The following CEACAM1 variants were observed in gnomAD, a reference collection of about 807,000 sequenced individuals.
CEACAM1 encodes the protein CEA cell adhesion molecule 1.
CEACAM1 carries 31 observed loss-of-function variants against 49.1 expected under a neutral mutation model. The observed-to-expected ratio is 0.63, with a 90% CI of 0.47 to 0.85. CEACAM1 has a LOEUF of 0.85. Ranked by LOEUF, CEACAM1 falls within the 40% of genes least tolerant of loss-of-function variation. The pLI is 0.00. For synonymous variants in CEACAM1, 244 were observed against 247.8 expected (o/e 0.98, Z 0.14); for missense variants, 570 against 645.3 (o/e 0.88, Z 1.26).
rs1212344334 is a variant in CEACAM1, at chr19:42,512,466, T to A, written c.1260A>T (p.Pro420=). 2 of 1,614,028 alleles carry A rather than the reference T, an allele frequency of 1.2e-6. No individual in the cohort carries two copies. Among genetic ancestry groups the A allele is most frequent in the Non-Finnish European group, 1.7e-6 (2 of 1,179,910 alleles). The part of the protein sequence containing the change: ...IMLNVNYNAL[P]QENGLSPGAI... The stretch of plus-strand genomic sequence containing the variant: ...CCCCAGGTGAGAGGCCATTTTCTTG[T>A]GGTAGAGCATTATCTGTCATGGAGA... Residue 420 remains proline (P), a synonymous_variant, in exon 6 of 9, where the codon CCA becomes CCT. Transcript: ENST00000161559.
Position 42,527,418 on chromosome 19 carries a change from G to A in CEACAM1, c.65-18C>T. The A allele has an allele frequency of 6.4e-7, 1 of 1,570,716 alleles. No individual in the cohort carries two copies. The highest frequency in any genetic ancestry group is 8.6e-7 in the Non-Finnish European group (1 of 1,159,688). The stretch of plus-strand genomic sequence containing the variant: ...AAGTGAGGCTAGGAGAGAGGAGAGA[G>A]CATCAGTCAATATTGGGACCTATGC... On this transcript the variant is annotated intron_variant, in intron 1 of 8. Transcript: ENST00000161559.
chr19:42,512,200 A>G, intron 6 of CEACAM1, 150 bp downstream of exon 6: 1 of 827,416 alleles, frequency 1.2e-6, no homozygotes, highest in Non-Finnish European at 1.9e-6. Context: ...ACCAGGGAAG[A>G]GGAAACCTGT....
intron 5 of CEACAM1, among the ~76,000 whole-genome samples, chr19:42,513,922 T>A (rs1236087815): frequency 8.0e-6 from 1 of 124,902 alleles, no homozygotes; most frequent in African/African-American, 4.1e-5. Flanking sequence ...ATATATAATA[T>A]ATAAATAATA....
rs1246217641 is a variant in CEACAM1 at position 42,521,205 on chromosome 19, T to C, written c.958+62A>G. 2.5e-6 allele frequency: 4 copies of C among 1,580,206 alleles called. No homozygotes were observed. In the East Asian group the frequency reaches 6.7e-5, roughly 27 times the overall value. On this transcript the variant is annotated intron_variant, in intron 4 of 8. Transcript: ENST00000161559. The stretch of plus-strand genomic sequence containing the variant: ...CAAAAGAAAATTTCTTCTCTGCTCC[T>C]ATTTGAAAACCAGAAAGCTTGTACC...
chr19:42,515,013 G>C, intron 5 of CEACAM1: 1 of 679,354 alleles, frequency 1.5e-6, no homozygotes, highest in Non-Finnish European at 2.7e-6. Context: ...GCTCACACCT[G>C]TAATCTCAGC....
At chr19:42,518,265 C>T (rs753451817) in intron 5 of CEACAM1, among the ~76,000 whole-genome samples, 3 of 151,886 alleles carry the variant, frequency 2.0e-5, no homozygotes, top group Non-Finnish European at 2.9e-5. Context: ...AACTTAAAAA[C>T]TTAGCCAGGC....
intron 5 of CEACAM1, among the ~76,000 whole-genome samples, chr19:42,514,364 C>T (rs1214841804): frequency 6.6e-6 from 1 of 152,154 alleles, no homozygotes; most frequent in Non-Finnish European, 1.5e-5. Context: ...CTCCCGACCT[C>T]AGGTGACCCG....
chr19:42,523,825 A>T (rs750459805), intron 2 of CEACAM1, among the ~76,000 whole-genome samples: 30 of 152,336 alleles, frequency 2.0e-4, no homozygotes, highest in South Asian at 8.3e-4. Flanking sequence ...GTCCAGTAGG[A>T]TCATGTTATG....
intron 5 of CEACAM1, among the ~76,000 whole-genome samples, chr19:42,515,730 A>G (rs1410318374): frequency 6.6e-6 from 1 of 152,198 alleles, no homozygotes; most frequent in Non-Finnish European, 1.5e-5. Context: ...ATTGACTAAG[A>G]AAGAAAGAAG....
At chr19:42,518,891 C>T in intron 5 of CEACAM1, 57 bp downstream of exon 5, 1 of 1,573,584 alleles carries the variant, frequency 6.4e-7, no homozygotes, top group South Asian at 1.1e-5. Flanking sequence ...CCATTTTGCA[C>T]ACCATTGACA....
chr19:42,515,244 C>G (rs1214162592), intron 5 of CEACAM1: 1 of 449,910 alleles, frequency 2.2e-6, no homozygotes, highest in Non-Finnish European at 3.9e-6. Context: ...GTCTGGGTGA[C>G]AGAGTGACAC....
In CEACAM1 at chr19:42,519,098, G is replaced by A; in HGVS notation, c.1096C>T (p.Leu366Phe). ...SIRWFFKNQS[L>F]PSSERMKLSQ... ...AGCTTCATCCTCTCCGAGGACGGGA[G>A]ACTCTGGTTTTTGAAGAACCAACGG... Residue 366 changes from leucine to phenylalanine, a missense_variant, in exon 5 of 9, where the codon CTC (leucine) becomes TTC (phenylalanine). By Grantham distance (22) the Leu-to-Phe change is conservative (BLOSUM62 0). Coordinates refer to ENST00000161559, the MANE Select transcript of CEACAM1 (RefSeq NM_001712.5). The A allele has an allele frequency of 1.2e-6, 2 of 1,614,186 alleles. No homozygotes were observed. The highest frequency in any genetic ancestry group is 8.5e-7 in the Non-Finnish European group (1 of 1,180,042).
intron 7 of CEACAM1, 24 bp downstream of exon 7, chr19:42,511,552 A>T: frequency 6.2e-7 from 1 of 1,607,386 alleles, no homozygotes; most frequent in Non-Finnish European, 8.5e-7. Context: ...ACCAGTTCTC[A>T]CTGGGGTAAG....
intron 2 of CEACAM1, among the ~76,000 whole-genome samples, chr19:42,526,327 G>A (rs900978865): frequency 6.6e-6 from 1 of 152,186 alleles, no homozygotes; most frequent in Non-Finnish European, 1.5e-5. Flanking sequence ...GGAGCTTTCA[G>A]GAGCATCCTG....
In CEACAM1 at chr19:42,521,249, G is replaced by A; in HGVS notation, c.958+18C>T. On this transcript the variant is annotated intron_variant, in intron 4 of 8. Transcript: ENST00000161559. The stretch of plus-strand genomic sequence containing the variant: ...TTGTACCCCAGATCTTAGTGTTGAT[G>A]CTCCAGGAATTACTTACCAGTGACT... 15 of 1,611,738 alleles carry A rather than the reference G, an allele frequency of 9.3e-6. No homozygotes were observed. The highest frequency in any genetic ancestry group is 1.3e-5 in the Non-Finnish European group (15 of 1,178,088).
chr19:42,521,828 T>G (rs1568661323), intron 3 of CEACAM1, 96 bp downstream of exon 3: 1 of 1,601,284 alleles, frequency 6.2e-7, no homozygotes, highest in Non-Finnish European at 8.5e-7. Flanking sequence ...GTTAAGGGTC[T>G]GCGTCCTTAG....
At chr19:42,520,010 C>CTATCTGGTCATGAAGTTCCAGA (rs2041703838) in intron 4 of CEACAM1, among the ~76,000 whole-genome samples, 1 of 152,218 alleles carries the variant, frequency 6.6e-6, no homozygotes, top group African/African-American at 2.4e-5. Flanking sequence ...CATGACCTTA[C>CTATCTGGTCATGAAGTTCCAGA]TATCTGGAGT....
intron 2 of CEACAM1, 95 bp downstream of exon 2, chr19:42,526,946 A>G: frequency 6.5e-7 from 1 of 1,544,740 alleles, no homozygotes; most frequent in Non-Finnish European, 8.7e-7. Context: ...GGTATAATGC[A>G]GAGGAGGACA....
At chr19:42,516,934 A>T in intron 5 of CEACAM1, 1 of 387,586 alleles carries the variant, frequency 2.6e-6, no homozygotes, top group South Asian at 1.9e-5. Context: ...ACAAACAAAC[A>T]AAATCCAAAA....
Sources: allele counts gnomAD v4.1 joint callset (sites outside exome capture counted in the v4.1 genomes callset), GRCh38; gene constraint gnomAD v4.1.1; transcripts MANE v1.5; gene names NCBI Gene and HGNC (gene_info 2026-07-23, HGNC 2026-07-21).